The following SRPRB variants were observed in gnomAD, a reference collection of about 807,000 sequenced individuals.
The protein encoded by SRPRB is signal recognition particle receptor subunit beta.
In SRPRB, 20 loss-of-function variants were observed where a neutral mutation model predicts 31.9. That is an observed-to-expected ratio of 0.63 (90% CI 0.44 to 0.91). SRPRB has a LOEUF of 0.91. SRPRB is among the 40% of genes least tolerant of loss of function. SRPRB has a pLI of 0.00. For missense variants in SRPRB, 321 were observed against 324.9 expected (o/e 0.99, Z 0.09); for synonymous variants, 146 against 132.8 (o/e 1.10, Z -0.68).
At chr3:133,819,527 C>T in intron 6 of SRPRB, 26 bp from the exon 7 acceptor site, 1 of 1,598,804 alleles carries the variant, frequency 6.3e-7, no homozygotes, top group Non-Finnish European at 8.6e-7. Context: ...ATTTTGCCTC[C>T]TGACTTCTTT....
At chr3:133,793,107 C>T (rs918659108) in intron 1 of SRPRB, 1 of 152,034 alleles carries the variant, frequency 6.6e-6, no homozygotes, top group Non-Finnish European at 1.5e-5. Context: ...ACAAGATTTT[C>T]ATGCAGTATT....
chr3:133,805,585 A>C (rs892418307), upstream of SRPRB: 3 of 363,640 alleles, frequency 8.2e-6, no homozygotes, highest in Non-Finnish European at 1.5e-5. Context: ...TTCTTTCAAC[A>C]GTCATAACGT....
chr3:133,803,690 G>A (rs1479875500), upstream of SRPRB, among the ~76,000 whole-genome samples: 3 of 151,228 alleles, frequency 2.0e-5, no homozygotes, highest in Admixed American at 2.0e-4. Flanking sequence ...TTGGAGGCAG[G>A]GTCTTGCTCT....
intron 1 of SRPRB, chr3:133,794,646 T>C (rs1934922491): frequency 6.6e-6 from 1 of 152,224 alleles, no homozygotes; most frequent in Non-Finnish European, 1.5e-5. Flanking sequence ...CTTTGAACTT[T>C]GGGTTCATGA....
intron 1 of SRPRB, chr3:133,784,997 G>A (rs1172673994): frequency 1.3e-5 from 1 of 78,332 alleles, no homozygotes; most frequent in African/African-American, 3.4e-5. Context: ...GAGGGAGGTG[G>A]GGGGGTCAGC....
intron 1 of SRPRB, among the ~76,000 whole-genome samples, chr3:133,797,758 A>G (rs896709536): frequency 1.3e-5 from 2 of 152,238 alleles, no homozygotes; most frequent in Admixed American, 1.3e-4. Context: ...GTTTTAAAGA[A>G]TAAACAAGTC....
At chr3:133,804,148 G>T (rs1168376891), upstream of SRPRB, among the ~76,000 whole-genome samples, 1 of 149,422 alleles carries the variant, frequency 6.7e-6, no homozygotes, top group Non-Finnish European at 1.5e-5. Flanking sequence ...CAGAGACAGA[G>T]TCTCACTATG....
chr3:133,805,397 A>G (rs1045170150), upstream of SRPRB, among the ~76,000 whole-genome samples: 5 of 152,154 alleles, frequency 3.3e-5, no homozygotes, highest in African/African-American at 1.2e-4. Context: ...TCCGCGTCCC[A>G]TTATGTATTC....
chr3:133,825,264 T>TGTCA (rs1209083798), downstream of SRPRB: 1 of 152,210 alleles, frequency 6.6e-6, no homozygotes, highest in African/African-American at 2.4e-5. Flanking sequence ...ATCCCTTTAT[T>TGTCA]GTCACAACTG....
At chr3:133,786,277 G>A (rs1934683603) in intron 1 of SRPRB, 2 of 149,674 alleles carry the variant, frequency 1.3e-5, no homozygotes, top group East Asian at 3.9e-4. Context: ...CTTTCTAGAT[G>A]TTCTGAAATG....
downstream of SRPRB, chr3:133,827,800 C>T: frequency 2.8e-6 from 1 of 362,094 alleles, no homozygotes; most frequent in South Asian, 2.0e-5. Flanking sequence ...GGTGGTCCAG[C>T]TTCCCTGACA....
chr3:133,812,661 G>A (rs1935297574), intron 4 of SRPRB, among the ~76,000 whole-genome samples: 1 of 152,064 alleles, frequency 6.6e-6, no homozygotes, highest in African/African-American at 2.4e-5. Context: ...AACATATGCT[G>A]TTGCTGTTCT....
intron 6 of SRPRB, among the ~76,000 whole-genome samples, chr3:133,818,182 T>C (rs1198077305): frequency 6.6e-6 from 1 of 152,168 alleles, no homozygotes; most frequent in Non-Finnish European, 1.5e-5. Flanking sequence ...AAAAATTCTC[T>C]TGAAATTGTT....
At chr3:133,806,286 C>T (rs1935156713) in intron 1 of SRPRB, among the ~76,000 whole-genome samples, 1 of 152,234 alleles carries the variant, frequency 6.6e-6, no homozygotes, top group African/African-American at 2.4e-5. Flanking sequence ...TCCTCGCCTT[C>T]CGCTGTTCTC....
At chr3:133,789,059 G>C (rs77478723) in intron 1 of SRPRB, 3,510 of 152,390 alleles carry the variant, frequency 0.023, 92 homozygotes, top group African/African-American at 0.058. Flanking sequence ...TGGTGCCCAC[G>C]TAAGGTCAGA....
chr3:133,817,897 C>T (rs968781540), intron 6 of SRPRB, among the ~76,000 whole-genome samples: 40 of 152,168 alleles, frequency 2.6e-4, no homozygotes, highest in African/African-American at 9.7e-4. Context: ...TGGCAAACTC[C>T]TGCCTGGGCC....
At chr3:133,804,112 A>AG (rs1471767151), upstream of SRPRB, among the ~76,000 whole-genome samples, 6 of 150,646 alleles carry the variant, frequency 4.0e-5, no homozygotes, top group Admixed American at 1.3e-4. Context: ...AAAAAAAAAA[A>AG]AAAAGAAAAA....
At chr3:133,807,903 T>C in intron 3 of SRPRB, 80 bp downstream of exon 3, 2 of 1,020,044 alleles carry the variant, frequency 2.0e-6, no homozygotes. Flanking sequence ...TTAGGATGAG[T>C]TCATCTGAGG....
intron 3 of SRPRB, among the ~76,000 whole-genome samples, chr3:133,808,812 C>G (rs1446623856): frequency 1.3e-5 from 2 of 150,302 alleles, no homozygotes; most frequent in Non-Finnish European, 3.0e-5. Flanking sequence ...ATCATTTTAA[C>G]CCGGGAGGTG....
Sources: allele counts gnomAD v4.1 joint callset (sites outside exome capture counted in the v4.1 genomes callset), GRCh38; gene constraint gnomAD v4.1.1; transcripts MANE v1.5; gene names NCBI Gene and HGNC (gene_info 2026-07-23, HGNC 2026-07-21).